DPF1: variants seen among roughly 807,000 people sequenced by gnomAD.
The protein encoded by DPF1 is double PHD fingers 1.
Under a neutral mutation model 58.7 loss-of-function variants are expected in DPF1, and 14 were observed. That is an observed-to-expected ratio of 0.24 (90% CI 0.16 to 0.37). The LOEUF is 0.37. DPF1 is among the 10% of genes least tolerant of loss of function. The pLI is 1.00. For synonymous variants in DPF1, 216 were observed against 216.0 expected (o/e 1.00, Z 0.00); for missense variants, 345 against 529.9 (o/e 0.65, Z 3.43).
rs1487960981 is a variant in DPF1, at chr19:38,213,728, C to T, written c.927G>A (p.Val309=). 1 of 1,613,742 alleles carries T rather than the reference C, an allele frequency of 6.2e-7. No homozygotes were observed. Among genetic ancestry groups the T allele is most frequent in the African/African-American group, 1.3e-5 (1 of 74,882 alleles). The change falls in exon 10 of 12, where the codon GTG becomes GTA. Residue 309 remains valine, a synonymous_variant. Coordinates refer to ENST00000355526, the MANE Select transcript of DPF1 (RefSeq NM_001135155.3). ...SGHPSCLQFT[V]NMTAAVRTYR... ...AGGTCCGCACGGCTGCCGTCATGTTCACCGTGAATTGTAAACACGAGGGGT... is the reference window on the plus strand; with the variant it reads ...AGGTCCGCACGGCTGCCGTCATGTTTACCGTGAATTGTAAACACGAGGGGT...
chr19:38,216,133 G>T lies in DPF1; in HGVS notation c.898+7C>A, dbSNP rs759829925. 3 of 1,610,922 alleles carry T rather than the reference G, an allele frequency of 1.9e-6. No homozygotes were observed. Among genetic ancestry groups the T allele is most frequent in the East Asian group, 4.5e-5 (2 of 44,786 alleles). On this transcript the variant is annotated splice_region_variant and intron_variant, in intron 9 of 11. Transcript: ENST00000355526. The stretch of plus-strand genomic sequence containing the variant: ...GGCCCCCAGAAACCTCAGGTGGGGA[G>T]CATCACCTGATCGCCCACAGTCCGC...
Position 38,217,462 on chromosome 19 carries a change from T to A in DPF1, c.725A>T (p.Lys242Ile). 7.2e-7 allele frequency: 1 copy of A among 1,394,568 alleles called. No homozygotes were observed. The highest frequency in any genetic ancestry group is 9.5e-7 in the Non-Finnish European group (1 of 1,048,982). The allele number at this position is 1,394,568 out of a possible 1,614,324, so 86.4% of individuals were successfully genotyped here. A position where few individuals can be genotyped will look rare whatever the true frequency, so the allele number is the denominator to read the frequency against. ...CCCCACCTGGCCTGCCAGCTCACGT[T>A]TATGGTTGTTTTTCCGGTGGAAGGG... Reference protein sequence around the residue: ...ALPFHRKNNHKQFYKELAWVP... With the variant: ...ALPFHRKNNHIQFYKELAWVP... The change falls in exon 7 of 12, where the codon AAA becomes ATA. Residue 242 changes from lysine (K) to isoleucine (I), a missense_variant and splice_region_variant. Coordinates refer to ENST00000355526, the MANE Select transcript of DPF1 (RefSeq NM_001135155.3).
chr19:38,216,041 T>C (rs1966990263), intron 9 of DPF1, 99 bp downstream of exon 9: 2 of 1,495,440 alleles, frequency 1.3e-6, no homozygotes, highest in Admixed American at 4.3e-5. Context: ...ATGCTCCGGG[T>C]CCCCTCGGTC....
At position 38,222,370 on chromosome 19, in the gene DPF1, G is replaced by A. The variant is rs1220096548; in HGVS notation, c.285C>T (p.Cys95=). The A allele has an allele frequency of 1.3e-6, 2 of 1,589,768 alleles. No homozygotes were observed. The highest frequency in any genetic ancestry group is 1.7e-6 in the Non-Finnish European group (2 of 1,173,602). ...NILEDPRLRP[C]EYKIDCEAPL... ...GGCTGCACCCACCGATCTTGTACTCGCAGGGCCTGAGTCTGGGGTCCTCCA... is the reference window on the plus strand; with the variant it reads ...GGCTGCACCCACCGATCTTGTACTCACAGGGCCTGAGTCTGGGGTCCTCCA... The change falls in exon 3 of 12, where the codon TGC becomes TGT. Residue 95 remains cysteine (C), a synonymous_variant. Coordinates refer to ENST00000355526, the MANE Select transcript of DPF1 (RefSeq NM_001135155.3). The surrounding 1 kb of genome is among the most constrained non-coding windows in gnomAD (Gnocchi z 4.9).
Position 38,217,817 on chromosome 19 carries a change from G to A in DPF1, c.576C>T (p.Asp192=). 6.2e-7 allele frequency: 1 copy of A among 1,613,848 alleles called. No homozygotes were observed. Among genetic ancestry groups the A allele is most frequent in the Non-Finnish European group, 8.5e-7 (1 of 1,180,000 alleles). The stretch of plus-strand genomic sequence containing the variant: ...ACTCACTATCACAGACATACGGCTT[G>A]TCTCGGTCCTCCAGGGAAGCGGTGT... ...RQDTASLEDR[D]KPYVCDICGK... The change falls in exon 6 of 12, where the codon GAC becomes GAT. Residue 192 remains aspartate, a synonymous_variant. Coordinates refer to ENST00000355526, the MANE Select transcript of DPF1 (RefSeq NM_001135155.3).
chr19:38,225,863 T>C (rs1967795247), upstream of DPF1, among the ~76,000 whole-genome samples: 1 of 142,610 alleles, frequency 7.0e-6, no homozygotes, highest in South Asian at 2.2e-4. Context: ...CACTCCAGCC[T>C]GGACAACTGA....
At chr19:38,217,663 G>A in intron 6 of DPF1, 72 bp from the exon 7 acceptor site, 1 of 1,534,064 alleles carries the variant, frequency 6.5e-7, no homozygotes, top group Non-Finnish European at 8.8e-7. Flanking sequence ...TGGCCTCCAG[G>A]ATCACACCTC....
At chr19:38,221,215 C>T (rs546906143) in intron 3 of DPF1, among the ~76,000 whole-genome samples, 5 of 152,242 alleles carry the variant, frequency 3.3e-5, no homozygotes, top group African/African-American at 1.2e-4. Context: ...GATACAGAGG[C>T]AGACACCCTC....
intron 9 of DPF1, among the ~76,000 whole-genome samples, chr19:38,214,333 C>G (rs984268388): frequency 1.3e-5 from 2 of 152,220 alleles, no homozygotes; most frequent in East Asian, 3.9e-4. Flanking sequence ...GCAGAGACAC[C>G]CGCAGCCGCT....
At position 38,229,654 on chromosome 19, in the gene DPF1, G is replaced by C. The variant is rs1967967301; in HGVS notation, c.-227C>G. On this transcript the variant is annotated 5_prime_UTR_variant, in exon 1 of 12. Transcript: ENST00000412732. This position sits in a 1 kb window ranked among gnomAD's most constrained non-coding sequence, Gnocchi z 5.3. Reference sequence around the variant, plus strand: ...CTGCCGCCGCGCGCGGGCCCAGCCCGGCCTGCGCCGCCCGCTCTGCCGCCC... The same window carrying C: ...CTGCCGCCGCGCGCGGGCCCAGCCCCGCCTGCGCCGCCCGCTCTGCCGCCC... 11 of 797,246 alleles carry C rather than the reference G, an allele frequency of 1.4e-5. No homozygotes were observed. The highest frequency in any genetic ancestry group is 1.7e-5 in the Non-Finnish European group (11 of 657,792). The allele number at this position is 797,246 out of a possible 1,614,324, so 49.4% of individuals were successfully genotyped here.
chr19:38,218,440 C>A (rs1424000957), intron 5 of DPF1, 133 bp downstream of exon 5: 9 of 898,034 alleles, frequency 1.0e-5, no homozygotes, highest in Non-Finnish European at 1.6e-5. Flanking sequence ...TCCCCCACCC[C>A]TGCAGGCCGC....
At chr19:38,225,929 T>C (rs1346210615), upstream of DPF1, among the ~76,000 whole-genome samples, 4 of 151,892 alleles carry the variant, frequency 2.6e-5, no homozygotes, top group Admixed American at 1.3e-4. Flanking sequence ...AGATATTTGT[T>C]GAATGAGTAA....
chr19:38,218,391 A>T (rs1297770269), intron 5 of DPF1, among the ~76,000 whole-genome samples, 182 bp downstream of exon 5: 1 of 152,060 alleles, frequency 6.6e-6, no homozygotes, highest in Non-Finnish European at 1.5e-5. Flanking sequence ...CTTAATACAG[A>T]TGAGCCTCAG....
chr19:38,213,475 T>C (rs1973610584), intron 10 of DPF1, among the ~76,000 whole-genome samples, 169 bp downstream of exon 10: 1 of 152,110 alleles, frequency 6.6e-6, no homozygotes, highest in South Asian at 2.1e-4. Context: ...TCCAGAGAGA[T>C]GAAGAGGAAA....
chr19:38,212,171 C>A, intron 11 of DPF1, 38 bp from the exon 12 acceptor site: 1 of 1,594,320 alleles, frequency 6.3e-7, no homozygotes, highest in Non-Finnish European at 8.5e-7. Flanking sequence ...GGCCCGGGTC[C>A]GGGAGGGCTG....
At chr19:38,214,592 G>A (rs990218056) in intron 9 of DPF1, among the ~76,000 whole-genome samples, 1 of 152,132 alleles carries the variant, frequency 6.6e-6, no homozygotes, top group Admixed American at 6.6e-5. Flanking sequence ...GTGCCCAGGT[G>A]GTGGTGTCCG....
chr19:38,218,017 C>T (rs576615520), intron 5 of DPF1, 141 bp from the exon 6 acceptor site: 2 of 746,976 alleles, frequency 2.7e-6, no homozygotes, highest in African/African-American at 1.7e-5. Flanking sequence ...CCTTGGCCAA[C>T]ATGGTGAAGC....
Position 38,219,013 on chromosome 19 carries a change from G to A in DPF1, c.344C>T (p.Pro115Leu), listed in dbSNP as rs758587230. Residue 115 changes from proline (P) to leucine (L), a missense_variant, in exon 4 of 12, where the codon CCG becomes CTG. Transcript: ENST00000355526. ...TGCACACAGTAGAGCCTCGAGGACC[G>A]GCCCTTCCGGGAGGCCACCCTCCTT... is the stretch of plus-strand genomic sequence containing the variant. ...LKKEGGLPEG[P>L]VLEALLCAET... 2.5e-6 allele frequency: 4 copies of A among 1,613,968 alleles called. No homozygotes were observed. Among genetic ancestry groups the A allele is most frequent in the Admixed American group, 1.7e-5 (1 of 60,004 alleles).
intron 5 of DPF1, among the ~76,000 whole-genome samples, chr19:38,218,230 G>C (rs1298817174): frequency 1.3e-5 from 2 of 152,150 alleles, no homozygotes; most frequent in African/African-American, 4.8e-5. Flanking sequence ...AAAAGAAAGT[G>C]AGAAAACAGT....
Sources: gnomAD v4.1 joint callset for allele counts (sites outside exome capture counted in the v4.1 genomes callset) on GRCh38, gnomAD v4.1.1 for gene constraint, Gnocchi (gnomAD v3.1) non-coding constraint, MANE v1.5 for transcripts, NCBI Gene and HGNC (gene_info 2026-07-23, HGNC 2026-07-21) for gene names.